TAFA1: variants seen among roughly 807,000 people sequenced by gnomAD.
TAFA1 encodes the protein chemokine-like protein TAFA-1.
Under a neutral mutation model 18.5 loss-of-function variants are expected in TAFA1, and 4 were observed. The observed-to-expected ratio is 0.22, with a 90% CI of 0.11 to 0.49. The LOEUF is 0.49. Among genes scored for constraint, TAFA1 ranks in the 20% least tolerant of loss-of-function variants. The pLI is 0.98. For synonymous variants in TAFA1, 56 were observed against 55.2 expected (o/e 1.01, Z -0.06); for missense variants, 147 against 169.0 (o/e 0.87, Z 0.72).
chr3:68,031,826 G>A (rs1028151436), intron 2 of TAFA1, among the ~76,000 whole-genome samples: 19 of 151,996 alleles, frequency 1.3e-4, no homozygotes, highest in African/African-American at 2.2e-4. Flanking sequence ...TATTTTTTCC[G>A]TGGCTTCATT....
At chr3:68,250,990 C>T (rs1361982248) in intron 2 of TAFA1, 1 of 151,926 alleles carries the variant, frequency 6.6e-6, no homozygotes, top group African/African-American at 2.4e-5. Context: ...CTTTTCATTG[C>T]TTTTAGTTTC....
chr3:68,214,800 A>G (rs909731151), intron 2 of TAFA1, among the ~76,000 whole-genome samples: 1 of 152,046 alleles, frequency 6.6e-6, no homozygotes, highest in Non-Finnish European at 1.5e-5. Flanking sequence ...TTGGTTATTC[A>G]TTACATTCAA....
intron 3 of TAFA1, among the ~76,000 whole-genome samples, chr3:68,427,171 C>G (rs892050644): frequency 1.3e-5 from 2 of 151,832 alleles, no homozygotes; most frequent in African/African-American, 2.4e-5. Flanking sequence ...CCAAAGTAGC[C>G]CCCAAGTCAT....
intron 3 of TAFA1, among the ~76,000 whole-genome samples, chr3:68,501,154 G>GAAAAAA (rs57247656): frequency 1.1e-5 from 1 of 91,634 alleles, no homozygotes; most frequent in Non-Finnish European, 2.0e-5. Flanking sequence ...GACCCTGTCT[G>GAAAAAA]AAAAAAAAAA....
chr3:68,184,409 T>G lies in TAFA1; in HGVS notation c.118+177665T>G, dbSNP rs149066082. Reference sequence around the variant, plus strand: ...AGTCTGTATTTGGAAACACTGTGGCTAGAAGGTATACCAACATATTTTCTA... The same window carrying G: ...AGTCTGTATTTGGAAACACTGTGGCGAGAAGGTATACCAACATATTTTCTA... On this transcript the variant is annotated intron_variant, in intron 2 of 4. Transcript: ENST00000478136. Among the ~76,000 whole-genome samples, 17 of 152,242 alleles carry G rather than the reference T, an allele frequency of 1.1e-4. No individual in the cohort carries two copies. In the East Asian group the frequency reaches 3.3e-3, roughly 29 times the overall value.
intron 2 of TAFA1, among the ~76,000 whole-genome samples, chr3:68,251,581 G>GA (rs2067197021): frequency 6.6e-6 from 1 of 152,186 alleles, no homozygotes; most frequent in Non-Finnish European, 1.5e-5. Context: ...AGAGGGGAAG[G>GA]AGGAGGAGAC....
chr3:68,359,400 T>C (rs262237), intron 2 of TAFA1, among the ~76,000 whole-genome samples: 74,468 of 151,836 alleles, frequency 0.49, 18,738 homozygotes, highest in East Asian at 0.73. Flanking sequence ...TGCTAATTAG[T>C]TGATTTTAAA....
chr3:68,468,357 T>C (rs2071928938), intron 3 of TAFA1, among the ~76,000 whole-genome samples: 1 of 152,236 alleles, frequency 6.6e-6, no homozygotes, highest in Non-Finnish European at 1.5e-5. Flanking sequence ...AGAACATACT[T>C]TTCTTTCAAT....
chr3:68,521,651 G>A (rs946641684), intron 3 of TAFA1, among the ~76,000 whole-genome samples: 1 of 151,978 alleles, frequency 6.6e-6, no homozygotes, highest in African/African-American at 2.4e-5. Flanking sequence ...CAGTTATTTG[G>A]CATGTGGTTT....
intron 2 of TAFA1, among the ~76,000 whole-genome samples, chr3:68,155,570 G>A (rs2065858732): frequency 6.6e-6 from 1 of 152,174 alleles, no homozygotes; most frequent in Non-Finnish European, 1.5e-5. Context: ...CCTTGTAGAA[G>A]TCCTGTCACT....
At position 68,379,827 on chromosome 3, in the gene TAFA1, A is replaced by T. The variant is rs558637736; in HGVS notation, c.119-37453A>T. On this transcript the variant is annotated intron_variant, in intron 2 of 4. Coordinates refer to ENST00000478136, the MANE Select transcript of TAFA1 (RefSeq NM_213609.4). ...CATGTGCACAACATGCAGGTTTGTT[A>T]CATAGGTATACATGTGCCATGTTGG... Among the ~76,000 whole-genome samples, 170 of 152,050 alleles carry T rather than the reference A, an allele frequency of 1.1e-3. 1 individual carries two copies. The highest frequency in any genetic ancestry group is 3.9e-3 in the African/African-American group (163 of 41,462).
chr3:68,520,215 G>A (rs2072998778), intron 3 of TAFA1, among the ~76,000 whole-genome samples: 2 of 152,120 alleles, frequency 1.3e-5, no homozygotes, highest in African/African-American at 4.8e-5. Flanking sequence ...CTTTAGACCT[G>A]TCTTCTCCAC....
chr3:68,468,973 A>G (rs1575895515), intron 3 of TAFA1, among the ~76,000 whole-genome samples: 1 of 152,178 alleles, frequency 6.6e-6, no homozygotes. Context: ...TGGTTGGTTC[A>G]TTGGAAAGTC....
intron 2 of TAFA1, among the ~76,000 whole-genome samples, chr3:68,394,058 C>T (rs778599986): frequency 5.3e-5 from 8 of 151,330 alleles, no homozygotes; most frequent in Admixed American, 2.6e-4. Flanking sequence ...AAAACCACAT[C>T]GTCTCAATCC....
At chr3:67,994,058 T>C in the TAFA1 span, among the ~76,000 whole-genome samples, 2 of 152,222 alleles carry the variant, frequency 1.3e-5, no homozygotes, top group South Asian at 4.1e-4. Flanking sequence ...TTTTCCATAT[T>C]CTTTCATGAT....
chr3:68,474,986 C>A (rs1417698679), intron 3 of TAFA1, among the ~76,000 whole-genome samples: 1 of 151,618 alleles, frequency 6.6e-6, no homozygotes, highest in African/African-American at 2.4e-5. Context: ...ATGTGCTGAA[C>A]TGATTAGCTA....
At chr3:68,144,530 C>T (rs993367866) in intron 2 of TAFA1, among the ~76,000 whole-genome samples, 3 of 152,146 alleles carry the variant, frequency 2.0e-5, no homozygotes, top group Admixed American at 1.3e-4. Flanking sequence ...TTGTAGATTT[C>T]AAAATTGCTA....
intron 2 of TAFA1, among the ~76,000 whole-genome samples, chr3:68,381,470 T>C (rs171892): frequency 0.52 from 79,115 of 151,854 alleles, 21,011 homozygotes; most frequent in East Asian, 0.67. Context: ...TAGTTCTCCT[T>C]GAAGAGGTCC....
intron 2 of TAFA1, among the ~76,000 whole-genome samples, chr3:68,337,997 T>C (rs888590335): frequency 4.6e-5 from 7 of 152,206 alleles, no homozygotes; most frequent in Non-Finnish European, 1.0e-4. Flanking sequence ...TTAGATTAGC[T>C]GGTGTTCAAG....
Sources: allele counts gnomAD v4.1 joint callset (sites outside exome capture counted in the v4.1 genomes callset), GRCh38; gene constraint gnomAD v4.1.1; transcripts MANE v1.5; gene names NCBI Gene and HGNC (gene_info 2026-07-23, HGNC 2026-07-21).